GPC5: variants seen among roughly 807,000 people sequenced by gnomAD.
GPC5 encodes the protein glypican 5, also known as glypican-5.
GPC5 carries 47 observed loss-of-function variants against 53.9 expected under a neutral mutation model. That is an observed-to-expected ratio of 0.87 (90% CI 0.69 to 1.11). The LOEUF is 1.11. GPC5 is among the 50% of genes most tolerant of loss of function. The pLI is 0.00. For missense variants in GPC5, 748 were observed against 713.1 expected (o/e 1.05, Z -0.56); for synonymous variants, 286 against 263.3 (o/e 1.09, Z -0.84).
intron 5 of GPC5, among the ~76,000 whole-genome samples, chr13:91,859,228 T>A (rs1040539128): frequency 6.6e-6 from 1 of 151,890 alleles, no homozygotes; most frequent in Non-Finnish European, 1.5e-5. Context: ...TTCTTTAAGG[T>A]GTATCATCAG....
In GPC5 at chr13:91,819,491, GT is replaced by G. The variant is rs200268126; in HGVS notation, c.1280+63075del. 7.8e-3 allele frequency among the ~76,000 whole-genome samples: 1,191 copies of G among 152,134 alleles called. 16 individuals are homozygous for G. Among genetic ancestry groups the G allele is most frequent in the African/African-American group, 0.027 (1,133 of 41,496 alleles). The stretch of plus-strand genomic sequence containing the variant: ...TTCTTAAATAGCAGAGTTTTGCATA[GT>G]TTTGAACAGCTATCATACTATATAG... On this transcript the variant is annotated intron_variant, in intron 5 of 7. Transcript: ENST00000377067.
chr13:91,899,435 A>C (rs2039475288), intron 5 of GPC5, among the ~76,000 whole-genome samples: 1 of 152,194 alleles, frequency 6.6e-6, no homozygotes, highest in South Asian at 2.1e-4. Flanking sequence ...TACAGTAATA[A>C]AATGTTTCTC....
At chr13:92,234,585 A>G (rs1440551364) in intron 7 of GPC5, among the ~76,000 whole-genome samples, 2 of 151,878 alleles carry the variant, frequency 1.3e-5, no homozygotes, top group East Asian at 3.9e-4. Flanking sequence ...CTGGGGGGCA[A>G]TACATTGTGG....
intron 7 of GPC5, among the ~76,000 whole-genome samples, chr13:92,297,788 G>T (rs1020574847): frequency 6.6e-6 from 1 of 152,084 alleles, no homozygotes; most frequent in Middle Eastern, 3.4e-3. Context: ...CAACCCGCTC[G>T]GGTCCCCTTC....
chr13:92,489,887 AGTC>A (rs1879697531), intron 7 of GPC5, among the ~76,000 whole-genome samples: 1 of 151,514 alleles, frequency 6.6e-6, no homozygotes, highest in Non-Finnish European at 1.5e-5. Context: ...AAAAAAAAAA[AGTC>A]AGCTTCTAAA....
chr13:92,564,330 A>C (rs1882797789), intron 7 of GPC5, among the ~76,000 whole-genome samples: 1 of 151,994 alleles, frequency 6.6e-6, no homozygotes, highest in African/African-American at 2.4e-5. Context: ...TGTCCTAGAT[A>C]ATGAAATTAT....
At chr13:92,046,575 G>A (rs2040983611) in intron 6 of GPC5, among the ~76,000 whole-genome samples, 1 of 152,120 alleles carries the variant, frequency 6.6e-6, no homozygotes, top group African/African-American at 2.4e-5. Flanking sequence ...TTTCCAGGAA[G>A]AAAACTCATT....
chr13:91,400,377 A>T (rs573610124), intron 1 of GPC5, among the ~76,000 whole-genome samples: 1 of 152,306 alleles, frequency 6.6e-6, no homozygotes, highest in Admixed American at 6.5e-5. Flanking sequence ...AGTTTACATG[A>T]CCAGTCTTAA....
intron 7 of GPC5, among the ~76,000 whole-genome samples, chr13:92,585,174 C>CA: frequency 6.6e-6 from 1 of 152,168 alleles, no homozygotes; most frequent in Middle Eastern, 3.4e-3. Context: ...GATCCACTGT[C>CA]AGCTTGTACC....
At chr13:92,084,688 G>T (rs1424112609) in intron 6 of GPC5, among the ~76,000 whole-genome samples, 1 of 151,988 alleles carries the variant, frequency 6.6e-6, no homozygotes, top group Non-Finnish European at 1.5e-5. Flanking sequence ...TTGTTGTCAG[G>T]ATTAATATAA....
At chr13:92,343,140 C>A (rs901612367) in intron 7 of GPC5, among the ~76,000 whole-genome samples, 1 of 152,082 alleles carries the variant, frequency 6.6e-6, no homozygotes, top group African/African-American at 2.4e-5. Context: ...TTCTAAATAA[C>A]AAGATAGGTC....
chr13:91,507,799 TGA>T (rs1885021443), intron 2 of GPC5, among the ~76,000 whole-genome samples: 1 of 152,216 alleles, frequency 6.6e-6, no homozygotes, highest in African/African-American at 2.4e-5. Flanking sequence ...AGTATATTTG[TGA>T]GTCAGCACTC....
chr13:92,838,673 A>G (rs769954990), intron 7 of GPC5, among the ~76,000 whole-genome samples: 51 of 152,146 alleles, frequency 3.4e-4, no homozygotes, highest in Non-Finnish European at 5.3e-4. Flanking sequence ...TTGTCTGACA[A>G]ATAACTTTAA....
intron 7 of GPC5, among the ~76,000 whole-genome samples, chr13:92,600,503 C>A (rs1884012844): frequency 6.6e-6 from 1 of 151,084 alleles, no homozygotes; most frequent in African/African-American, 2.4e-5. Context: ...TTCATTCATT[C>A]ATTTATTCTT....
At chr13:92,285,365 G>T (rs968516881) in intron 7 of GPC5, among the ~76,000 whole-genome samples, 15 of 152,130 alleles carry the variant, frequency 9.9e-5, no homozygotes, top group African/African-American at 2.6e-4. Context: ...ACCAATGACT[G>T]TCTTCACAGA....
intron 5 of GPC5, among the ~76,000 whole-genome samples, chr13:91,837,069 TG>T (rs2038729842): frequency 6.7e-6 from 1 of 149,914 alleles, no homozygotes; most frequent in Non-Finnish European, 1.5e-5. Flanking sequence ...ATTTATTTAT[TG>T]ATTTGAATTT....
chr13:91,999,428 G>T (rs1329477262), intron 6 of GPC5, among the ~76,000 whole-genome samples: 1 of 151,984 alleles, frequency 6.6e-6, no homozygotes, highest in African/African-American at 2.4e-5. Context: ...TTTTGTTTAG[G>T]TATTCCCCAT....
chr13:91,571,071 C>A (rs899829544), intron 2 of GPC5, among the ~76,000 whole-genome samples: 2 of 152,042 alleles, frequency 1.3e-5, no homozygotes, highest in African/African-American at 4.8e-5. Flanking sequence ...TTGTATTTGG[C>A]TTTATTTTTA....
intron 3 of GPC5, among the ~76,000 whole-genome samples, chr13:91,713,563 A>T (rs944962719): frequency 2.6e-5 from 4 of 152,162 alleles, no homozygotes; most frequent in Non-Finnish European, 4.4e-5. Context: ...TTGTCACATC[A>T]GCCTGGTAGA....
Sources: allele counts gnomAD v4.1 joint callset (sites outside exome capture counted in the v4.1 genomes callset), GRCh38; gene constraint gnomAD v4.1.1; transcripts MANE v1.5; gene names NCBI Gene and HGNC (gene_info 2026-07-23, HGNC 2026-07-21).